Variants in COX7B2 observed in about 807,000 individuals in gnomAD.
The protein encoded by COX7B2 is cytochrome c oxidase subunit 7B2, mitochondrial.
For missense variants in COX7B2, 109 were observed against 95.9 expected, an observed-to-expected ratio of 1.14 and a Z score of -0.57; for synonymous variants, 37 against 32.1, an observed-to-expected ratio of 1.15 and a Z score of -0.51.
intron 1 of COX7B2, among the ~76,000 whole-genome samples, chr4:46,896,645 G>GA (rs58209441): frequency 0.25 from 36,428 of 146,266 alleles, 4,539 homozygotes; most frequent in East Asian, 0.29. Flanking sequence ...TAACAAAAAA[G>GA]AAAAAAAAAA....
chr4:46,799,881 G>T (rs1422463537), intron 2 of COX7B2, among the ~76,000 whole-genome samples: 1 of 152,116 alleles, frequency 6.6e-6, no homozygotes, highest in Non-Finnish European at 1.5e-5. Context: ...TTAGGGAGGA[G>T]TCCCTTATCC....
chr4:46,770,262 T>C (rs1423975384), intron 2 of COX7B2, among the ~76,000 whole-genome samples: 3 of 152,034 alleles, frequency 2.0e-5, no homozygotes, highest in Non-Finnish European at 2.9e-5. Flanking sequence ...CAAAAATAAA[T>C]AAATACTTAG....
chr4:46,814,330 G>A (rs1719440051), intron 2 of COX7B2, among the ~76,000 whole-genome samples: 1 of 152,190 alleles, frequency 6.6e-6, no homozygotes, highest in South Asian at 2.1e-4. Flanking sequence ...TCTGCAAGGT[G>A]ATACAAAATT....
intron 2 of COX7B2, among the ~76,000 whole-genome samples, chr4:46,769,028 GACCCTCCCAATA>G (rs916828316): frequency 1.4e-4 from 22 of 151,912 alleles, no homozygotes; most frequent in African/African-American, 3.6e-4. Context: ...AATCTGAATG[GACCCTCCCAATA>G]ACCCTCCCAA....
chr4:46,825,581 C>A (rs1714627576), intron 2 of COX7B2, among the ~76,000 whole-genome samples: 3 of 152,118 alleles, frequency 2.0e-5, no homozygotes, highest in Admixed American at 6.6e-5. Flanking sequence ...CCAAGACAAT[C>A]CTAAGCAAAA....
At chr4:46,803,906 AGG>A (rs2109635193) in intron 2 of COX7B2, among the ~76,000 whole-genome samples, 1 of 152,240 alleles carries the variant, frequency 6.6e-6, no homozygotes, top group Non-Finnish European at 1.5e-5. Flanking sequence ...GAGGTCTCTT[AGG>A]AAAACACTGT....
chr4:46,908,769 C>G (rs908599169), intron 1 of COX7B2, among the ~76,000 whole-genome samples: 2 of 138,526 alleles, frequency 1.4e-5, no homozygotes, highest in African/African-American at 5.3e-5. Flanking sequence ...TGGCCGGGCG[C>G]AGTGGCTCAC....
chr4:46,823,503 A>T (rs1211348836), intron 2 of COX7B2, among the ~76,000 whole-genome samples: 1 of 151,342 alleles, frequency 6.6e-6, no homozygotes, highest in Non-Finnish European at 1.5e-5. Flanking sequence ...TAAACAACAC[A>T]CTTCTAAATA....
At chr4:46,845,711 G>A (rs1443119337) in intron 1 of COX7B2, among the ~76,000 whole-genome samples, 2 of 151,944 alleles carry the variant, frequency 1.3e-5, no homozygotes, top group African/African-American at 4.8e-5. Flanking sequence ...AAACCCTGGA[G>A]GGGTATGCTG....
chr4:46,839,332 A>G (rs912635844), intron 2 of COX7B2, among the ~76,000 whole-genome samples: 7 of 151,964 alleles, frequency 4.6e-5, no homozygotes, highest in Non-Finnish European at 7.4e-5. Context: ...CTCTCTGCTT[A>G]GTGCTTCAGT....
At chr4:46,892,882 C>T (rs902097198) in intron 1 of COX7B2, among the ~76,000 whole-genome samples, 6 of 152,204 alleles carry the variant, frequency 3.9e-5, no homozygotes, top group Admixed American at 6.5e-5. Context: ...GGGGGGATTT[C>T]CCCCATGCTA....
intron 1 of COX7B2, among the ~76,000 whole-genome samples, chr4:46,880,916 C>G (rs1198380956): frequency 6.9e-6 from 1 of 144,514 alleles, no homozygotes; most frequent in African/African-American, 2.5e-5. Flanking sequence ...GTGGGTGCAG[C>G]GCACCAGCAT....
chr4:46,783,505 T>C (rs1405787223), intron 2 of COX7B2, among the ~76,000 whole-genome samples: 1 of 152,210 alleles, frequency 6.6e-6, no homozygotes, highest in Non-Finnish European at 1.5e-5. Context: ...CTTCCATACT[T>C]GCCCTATTCT....
At chr4:46,744,697 A>C (rs1430913837) in intron 2 of COX7B2, among the ~76,000 whole-genome samples, 1 of 151,642 alleles carries the variant, frequency 6.6e-6, no homozygotes, top group African/African-American at 2.4e-5. Context: ...GTATACAGGA[A>C]ACATTGGCCT....
intron 2 of COX7B2, among the ~76,000 whole-genome samples, chr4:46,776,028 G>C (rs1227588459): frequency 1.3e-5 from 2 of 152,094 alleles, no homozygotes; most frequent in African/African-American, 4.8e-5. Flanking sequence ...TATATTTATT[G>C]TGTATTAGGA....
chr4:46,850,567 G>T (rs963720811), intron 1 of COX7B2, among the ~76,000 whole-genome samples: 1 of 152,008 alleles, frequency 6.6e-6, no homozygotes, highest in African/African-American at 2.4e-5. Flanking sequence ...AAAAGTGTAA[G>T]ACTTCACTTC....
chr4:46,881,527 C>A (rs561319425), intron 1 of COX7B2, among the ~76,000 whole-genome samples: 1 of 152,162 alleles, frequency 6.6e-6, no homozygotes, highest in South Asian at 2.1e-4. Context: ...CTGTGGGAGG[C>A]CGACGTGGGT....
rs547314144 is a variant in COX7B2, at chr4:46,805,581, C to T, written c.-50+39379G>A. Among the ~76,000 whole-genome samples, 31 of 152,184 alleles carry T rather than the reference C, an allele frequency of 2.0e-4. No homozygotes were observed. The South Asian group carries it at 6.4e-3, about 32-fold the overall frequency. On this transcript the variant is annotated intron_variant, in intron 2 of 2. Transcript: ENST00000355591. ...CTGAAATGCAAATTTATATGGATAA[C>T]AAATAGTAAATATGGGTTGAATTCA... is the stretch of plus-strand genomic sequence containing the variant.
intron 1 of COX7B2, among the ~76,000 whole-genome samples, chr4:46,847,278 C>T (rs1197004914): frequency 6.6e-6 from 1 of 151,914 alleles, no homozygotes; most frequent in African/African-American, 2.4e-5. Flanking sequence ...GTGAAGCAAG[C>T]ATCATGTGGG....
Sources: gnomAD v4.1 joint callset for allele counts (sites outside exome capture counted in the v4.1 genomes callset) on GRCh38, gnomAD v4.1.1 for gene constraint, MANE v1.5 for transcripts, NCBI Gene and HGNC (gene_info 2026-07-23, HGNC 2026-07-21) for gene names.